ZNF32: variants seen among roughly 807,000 people sequenced by gnomAD.
ZNF32 encodes the protein C2H2-546.
ZNF32 carries 13 observed loss-of-function variants against 24.4 expected under a neutral mutation model. The observed-to-expected ratio is 0.53, with a 90% CI of 0.35 to 0.85. ZNF32 has a LOEUF of 0.85. Ranked by LOEUF, ZNF32 falls within the 40% of genes least tolerant of loss-of-function variation. The pLI, the probability that ZNF32 is intolerant of heterozygous loss-of-function variation, is 0.01. For synonymous variants in ZNF32, 115 were observed against 117.4 expected (o/e 0.98, Z 0.13); for missense variants, 239 against 325.3 (o/e 0.73, Z 2.04).
chr10:43,646,011 G>A, intron 2 of ZNF32, 53 bp downstream of exon 2: 4 of 1,610,618 alleles, frequency 2.5e-6, no homozygotes, highest in Non-Finnish European at 2.5e-6. Flanking sequence ...TGAGAACAGG[G>A]ACACTGAATA....
intron 1 of ZNF32, chr10:43,647,961 A>G (rs1319822757): frequency 6.6e-6 from 1 of 152,210 alleles, no homozygotes; most frequent in African/African-American, 2.4e-5. Context: ...CTGAGGAAGC[A>G]GTTTCCCCAA....
Position 43,643,991 on chromosome 10 carries a change from T to G in ZNF32, c.*59A>C. 6.6e-7 allele frequency: 1 copy of G among 1,520,174 alleles called. No homozygotes were observed. The allele number at this position is 1,520,174 out of a possible 1,614,324, so 94.2% of individuals were successfully genotyped here. ...ATTCCATAGAACTGGATAGGTTGCT[T>G]CATCTCAGAGGATTTTGTACTCTTA... On this transcript the variant is annotated 3_prime_UTR_variant, in exon 3 of 3. Transcript: ENST00000374433.
At position 43,646,208 on chromosome 10, in the gene ZNF32, G is replaced by A; in HGVS notation, c.-69-6C>T. On this transcript the variant is annotated splice_polypyrimidine_tract_variant and splice_region_variant and intron_variant, in intron 1 of 2. Transcript: ENST00000374433. ...CATGGGCTGTTCCTGAGCACCTGAG[G>A]GAGAAAAACAAACAGAAACAAACAG... 6 of 1,537,206 alleles carry A rather than the reference G, an allele frequency of 3.9e-6. No homozygotes were observed. The highest frequency in any genetic ancestry group is 1.2e-5 in the South Asian group (1 of 84,682).
In ZNF32 at chr10:43,644,138, T is replaced by TA. The variant is rs1290636081; in HGVS notation, c.733dup (p.Tyr245LeufsTer50). ...GCTTTTTCCACACTGGCCGCACAGA[T>TA]AGGGTGTCTCTCCTGTGTGGATTTT... On this transcript the variant is annotated frameshift_variant, in exon 3 of 3. Coordinates refer to ENST00000374433, the MANE Select transcript of ZNF32 (RefSeq NM_006973.3). LOFTEE classifies it high-confidence loss of function. This position sits in a 1 kb window ranked among gnomAD's most constrained non-coding sequence, Gnocchi z 5.3. The TA allele has an allele frequency of 6.2e-7, 1 of 1,614,090 alleles. No individual in the cohort carries two copies. Among genetic ancestry groups the TA allele is most frequent in the Non-Finnish European group, 8.5e-7 (1 of 1,180,034 alleles).
intron 1 of ZNF32, chr10:43,647,575 G>C (rs561141445): frequency 8.5e-5 from 13 of 152,114 alleles, no homozygotes; most frequent in Admixed American, 8.5e-4. Flanking sequence ...TAAGCACCTG[G>C]TTCTTCTTGA....
In ZNF32 at chr10:43,644,695, G is replaced by A. The variant is rs762661386; in HGVS notation, c.177C>T (p.Ser59=). The change falls in exon 3 of 3, where the codon TCC becomes TCT. Residue 59 remains serine, a synonymous_variant. Coordinates refer to ENST00000374433, the MANE Select transcript of ZNF32 (RefSeq NM_006973.3). This position sits in a 1 kb window ranked among gnomAD's most constrained non-coding sequence, Gnocchi z 5.3. Reference sequence around the variant, plus strand: ...CTTCCTGTAGTGTCTTCGAATCTGGGGATTTTTGTTCCAGCTTCTCTCTTC... The same window carrying A: ...CTTCCTGTAGTGTCTTCGAATCTGGAGATTTTTGTTCCAGCTTCTCTCTTC... ...SFRREKLEQK[S]PDSKTLQEDS... is the part of the protein sequence containing the mutation. 12 of 1,614,062 alleles carry A rather than the reference G, an allele frequency of 7.4e-6. No homozygotes were observed. In the African/African-American group the frequency reaches 1.6e-4, roughly 22 times the overall value.
At chr10:43,645,459 A>G (rs1285742692) in intron 2 of ZNF32, among the ~76,000 whole-genome samples, 1 of 152,196 alleles carries the variant, frequency 6.6e-6, no homozygotes, top group Non-Finnish European at 1.5e-5. Flanking sequence ...CAACCCTACA[A>G]GATAGAACTT....
chr10:43,644,419 G>A lies in ZNF32; in HGVS notation c.453C>T (p.His151=), dbSNP rs111751634. The change falls in exon 3 of 3, where the codon CAC becomes CAT. Residue 151 remains histidine (H), a synonymous_variant. Coordinates refer to ENST00000374433, the MANE Select transcript of ZNF32 (RefSeq NM_006973.3). This position sits in a 1 kb window ranked among gnomAD's most constrained non-coding sequence, Gnocchi z 5.3. ...GTTTCTGTCCAGTGTGGAGTCTCTCGTGGACAGCGAGACTACCTCGTTGAC... is the reference window on the plus strand; with the variant it reads ...GTTTCTGTCCAGTGTGGAGTCTCTCATGGACAGCGAGACTACCTCGTTGAC... ...SFSQRGSLAV[H]ERLHTGQKPY... is the part of the protein sequence containing the mutation. 2.2e-3 allele frequency: 3,561 copies of A among 1,614,030 alleles called. 78 individuals are homozygous for A. The African/African-American group carries it at 0.042, about 19-fold the overall frequency.
In ZNF32 at chr10:43,644,203, C is replaced by A; in HGVS notation, c.669G>T (p.Arg223Ser). ...AATTCCCCCTGGTGTGGAAACTCTT[C>A]CTGCACTGGGTACAGGCATAGGGCT... is the stretch of plus-strand genomic sequence containing the variant. ...GLKPYACTQC[R>S]KSFHTRGNCI... is the part of the protein sequence containing the mutation. Residue 223 changes from arginine to serine, a missense_variant, in exon 3 of 3, where the codon AGG becomes AGT. Coordinates refer to ENST00000374433, the MANE Select transcript of ZNF32 (RefSeq NM_006973.3). This position sits in a 1 kb window ranked among gnomAD's most constrained non-coding sequence, Gnocchi z 5.3. The A allele has an allele frequency of 2.5e-6, 4 of 1,614,204 alleles. No homozygotes were observed. The highest frequency in any genetic ancestry group is 3.4e-6 in the Non-Finnish European group (4 of 1,180,036).
At chr10:43,648,478 T>G (rs941053508) in intron 1 of ZNF32, 4 of 151,314 alleles carry the variant, frequency 2.6e-5, no homozygotes, top group African/African-American at 9.7e-5. Context: ...TGCCGCGGCC[T>G]CCCCCTCCCA....
chr10:43,644,018 T>C lies in ZNF32; in HGVS notation c.*32A>G. ...ATCTCAGAGGATTTTGTACTCTTAATTCATAAAGAGAACTTCTCTTCAGGA... is the reference window on the plus strand; with the variant it reads ...ATCTCAGAGGATTTTGTACTCTTAACTCATAAAGAGAACTTCTCTTCAGGA... On this transcript the variant is annotated 3_prime_UTR_variant, in exon 3 of 3. Coordinates refer to ENST00000374433, the MANE Select transcript of ZNF32 (RefSeq NM_006973.3). This position sits in a 1 kb window ranked among gnomAD's most constrained non-coding sequence, Gnocchi z 5.3. The C allele has an allele frequency of 1.9e-6, 3 of 1,572,686 alleles. No individual in the cohort carries two copies. The highest frequency in any genetic ancestry group is 2.6e-6 in the Non-Finnish European group (3 of 1,162,006).
At chr10:43,645,961 A>C in intron 2 of ZNF32, 103 bp downstream of exon 2, 2 of 1,543,164 alleles carry the variant, frequency 1.3e-6, no homozygotes, top group South Asian at 2.5e-5. Context: ...GCTCTACCAA[A>C]GCAAGGTCTC....
At chr10:43,648,031 A>G (rs1192166198) in intron 1 of ZNF32, 2 of 152,354 alleles carry the variant, frequency 1.3e-5, no homozygotes, top group South Asian at 2.1e-4. Flanking sequence ...AAAGGCTACT[A>G]TATCCTTTGG....
In ZNF32 at chr10:43,644,139, A is replaced by C. The variant is rs1839198990; in HGVS notation, c.733T>G (p.Tyr245Asp). 2 of 1,614,104 alleles carry C rather than the reference A, an allele frequency of 1.2e-6. No individual in the cohort carries two copies. The highest frequency in any genetic ancestry group is 8.5e-7 in the Non-Finnish European group (1 of 1,180,042). Residue 245 changes from tyrosine to aspartate, a missense_variant, in exon 3 of 3, where the codon TAT (tyrosine) becomes GAT (aspartate). Physicochemically the swap from Tyr to Asp is radical, Grantham distance 160. Coordinates refer to ENST00000374433, the MANE Select transcript of ZNF32 (RefSeq NM_006973.3). This position sits in a 1 kb window ranked among gnomAD's most constrained non-coding sequence, Gnocchi z 5.3. Reference protein sequence around the residue: ...HGKIHTGETPYLCGQCGKSFT... With the variant: ...HGKIHTGETPDLCGQCGKSFT... ...CTTTTTCCACACTGGCCGCACAGAT[A>C]GGGTGTCTCTCCTGTGTGGATTTTG...
At position 43,644,220 on chromosome 10, in the gene ZNF32, C is replaced by A. The variant is rs756090872; in HGVS notation, c.652G>T (p.Ala218Ser). ...IRVHTGLKPY[A>S]CTQCRKSFHT... ...AAACTCTTCCTGCACTGGGTACAGG[C>A]ATAGGGCTTCAGGCCTGTGTGGACT... The change falls in exon 3 of 3, where the codon GCC becomes TCC. Residue 218 changes from alanine to serine, a missense_variant. Coordinates refer to ENST00000374433, the MANE Select transcript of ZNF32 (RefSeq NM_006973.3). The surrounding 1 kb of genome is among the most constrained non-coding windows in gnomAD (Gnocchi z 5.3). 6.2e-7 allele frequency: 1 copy of A among 1,614,102 alleles called. No homozygotes were observed. The highest frequency in any genetic ancestry group is 1.7e-5 in the Admixed American group (1 of 59,998).
intron 2 of ZNF32, chr10:43,645,014 G>C (rs1839235352): frequency 1.8e-6 from 1 of 547,302 alleles, no homozygotes; most frequent in Non-Finnish European, 3.2e-6. Context: ...AGTTAGAGCT[G>C]ACTCAAATAG....
At chr10:43,646,664 A>ATTG (rs1839303862) in intron 1 of ZNF32, among the ~76,000 whole-genome samples, 1 of 152,222 alleles carries the variant, frequency 6.6e-6, no homozygotes, top group African/African-American at 2.4e-5. Flanking sequence ...AAGAGAGTCC[A>ATTG]TTTGTTACCA....
At chr10:43,645,900 T>G (rs545325922) in intron 2 of ZNF32, 164 bp downstream of exon 2, 1 of 1,388,720 alleles carries the variant, frequency 7.2e-7, no homozygotes, top group South Asian at 1.6e-5. Context: ...GTTTCTACTA[T>G]TACTTCTAAC....
chr10:43,646,159 C>A lies in ZNF32; in HGVS notation c.-26G>T. On this transcript the variant is annotated 5_prime_UTR_variant, in exon 2 of 3. It removes the in-frame stop codon of an upstream open reading frame in the 5' UTR. Transcript: ENST00000374433. ...GTCCACTCCTGCTTACGACCTCAGTCACCACCTCTTCATATGATTCTTCCA... is the reference window on the plus strand; with the variant it reads ...GTCCACTCCTGCTTACGACCTCAGTAACCACCTCTTCATATGATTCTTCCA... The A allele has an allele frequency of 6.2e-7, 1 of 1,613,426 alleles. No homozygotes were observed. Among genetic ancestry groups the A allele is most frequent in the South Asian group, 1.1e-5 (1 of 90,920 alleles).
Sources: gnomAD v4.1 joint callset for allele counts (sites outside exome capture counted in the v4.1 genomes callset) on GRCh38, gnomAD v4.1.1 for gene constraint, Gnocchi (gnomAD v3.1) non-coding constraint, MANE v1.5 for transcripts, NCBI Gene and HGNC (gene_info 2026-07-23, HGNC 2026-07-21) for gene names.